USP28: variants seen among roughly 807,000 people sequenced by gnomAD.
USP28 encodes ubiquitin specific peptidase 28.
A neutral mutation model predicts 145.0 loss-of-function variants in USP28; 113 were observed. The ratio of observed to expected loss-of-function variants is 0.78; its 90% CI spans 0.67 to 0.91. USP28 has a LOEUF of 0.91. Ranked by LOEUF, USP28 falls within the 40% of genes least tolerant of loss-of-function variation. USP28 has a pLI of 0.00. For missense variants in USP28, 1,201 were observed against 1,289.6 expected (o/e 0.93, Z 1.05); for synonymous variants, 447 against 450.9 (o/e 0.99, Z 0.11).
At chr11:113,850,264 T>TA (rs1053325352) in intron 3 of USP28, among the ~76,000 whole-genome samples, 1 of 151,942 alleles carries the variant, frequency 6.6e-6, no homozygotes, top group Non-Finnish European at 1.5e-5. Context: ...ATATATACAC[T>TA]AAAAAAACTC....
chr11:113,815,076 G>T, intron 14 of USP28, 98 bp downstream of exon 14: 1 of 1,049,954 alleles, frequency 9.5e-7, no homozygotes, highest in Non-Finnish European at 1.4e-6. Flanking sequence ...TCTGTAGCAT[G>T]TACAGTAATG....
intron 23 of USP28, 43 bp downstream of exon 24, chr11:113,803,115 G>C (rs767354294): frequency 6.3e-7 from 1 of 1,579,296 alleles, no homozygotes; most frequent in South Asian, 1.2e-5. Context: ...AGGAGCAGAG[G>C]TAAACAACAA....
At chr11:113,826,211 A>G (rs1189895524) in intron 11 of USP28, among the ~76,000 whole-genome samples, 1 of 150,170 alleles carries the variant, frequency 6.7e-6, no homozygotes, top group Non-Finnish European at 1.5e-5. Flanking sequence ...TGAACCCGGG[A>G]AGCAGAGGTT....
chr11:113,863,233 G>A (rs1947882760), intron 1 of USP28, among the ~76,000 whole-genome samples: 1 of 151,916 alleles, frequency 6.6e-6, no homozygotes, highest in Non-Finnish European at 1.5e-5. Flanking sequence ...TTATAAAACA[G>A]CAATAAGAAA....
chr11:113,874,799 ATCT>A, intron 1 of USP28: 1 of 1,107,874 alleles, frequency 9.0e-7, no homozygotes, highest in Non-Finnish European at 1.1e-6. Flanking sequence ...ATTGATTTCA[ATCT>A]TCTTAGACAT....
chr11:113,804,624 C>A, intron 21 of USP28, 49 bp downstream of exon 22: 1 of 1,547,404 alleles, frequency 6.5e-7, no homozygotes, highest in Admixed American at 1.8e-5. Flanking sequence ...GTACCATTTA[C>A]CTCAGGAATT....
At position 113,832,724 on chromosome 11, in the gene USP28, T is replaced by A. The variant is rs1411805960; in HGVS notation, c.759+696A>T. Among the ~76,000 whole-genome samples, 3 of 152,002 alleles carry A rather than the reference T, an allele frequency of 2.0e-5. No individual in the cohort carries two copies. In the East Asian group the frequency reaches 5.8e-4, roughly 29 times the overall value. The stretch of plus-strand genomic sequence containing the variant: ...CCTTCAAATAGAGAAAGAAAAAAAA[T>A]CATATGAGGAAGAAGATGATCTAAT... On this transcript the variant is annotated intron_variant, in intron 7 of 24. Coordinates refer to ENST00000003302, the Ensembl canonical transcript of USP28.
chr11:113,867,522 C>T (rs1431899945), intron 1 of USP28, among the ~76,000 whole-genome samples: 1 of 151,794 alleles, frequency 6.6e-6, no homozygotes, highest in Non-Finnish European at 1.5e-5. Context: ...CTCACCCAGC[C>T]CCACTTTAAA....
At chr11:113,826,609 A>G (rs1237150381) in intron 11 of USP28, among the ~76,000 whole-genome samples, 1 of 151,782 alleles carries the variant, frequency 6.6e-6, no homozygotes, top group Non-Finnish European at 1.5e-5. Context: ...GCCTGGTCTC[A>G]ACCAGACTTT....
chr11:113,817,703 A>G, exon 13 of USP28: 2 of 1,614,250 alleles, frequency 1.2e-6, no homozygotes, highest in South Asian at 2.2e-5. Context: ...CACTGAAGAA[A>G]GTGGTAATGT....
At chr11:113,838,422 T>C (rs551683876) in intron 5 of USP28, among the ~76,000 whole-genome samples, 17 of 152,278 alleles carry the variant, frequency 1.1e-4, no homozygotes, top group Non-Finnish European at 1.6e-4. Flanking sequence ...TTCCCAAATC[T>C]TCATCATGAC....
At chr11:113,860,778 C>T (rs1024159098) in intron 1 of USP28, among the ~76,000 whole-genome samples, 5 of 149,994 alleles carry the variant, frequency 3.3e-5, no homozygotes, top group Admixed American at 6.7e-5. Flanking sequence ...AAGATTGCAC[C>T]GCTGCACTCC....
At chr11:113,866,205 T>C (rs1948231849) in intron 1 of USP28, among the ~76,000 whole-genome samples, 1 of 151,724 alleles carries the variant, frequency 6.6e-6, no homozygotes, top group South Asian at 2.1e-4. Flanking sequence ...AGCAAGAGAA[T>C]CACTTGAACC....
At chr11:113,866,897 T>C (rs1157396875) in intron 1 of USP28, among the ~76,000 whole-genome samples, 1 of 152,174 alleles carries the variant, frequency 6.6e-6, no homozygotes, top group Admixed American at 6.5e-5. Context: ...AACTCAAATG[T>C]CCGTCAATGG....
rs1939964809 is a variant in USP28, at chr11:113,806,404, C to T, written c.2400+85G>A. 4.2e-6 allele frequency: 5 copies of T among 1,189,816 alleles called. No individual in the cohort carries two copies. In the South Asian group the frequency reaches 6.8e-5, roughly 16 times the overall value. The allele number at this position is 1,189,816 out of a possible 1,614,324, so 73.7% of individuals were successfully genotyped here. On this transcript the variant is annotated intron_variant, in intron 19 of 24. Coordinates refer to ENST00000003302, the Ensembl canonical transcript of USP28. ...ACACACCACCACACCCAGCCTTAAC[C>T]CCATTTTTTCCCTTCTTATAGAATT...
intron 15 of USP28, among the ~76,000 whole-genome samples, chr11:113,812,772 T>A (rs1433179098): frequency 6.6e-6 from 1 of 152,174 alleles, no homozygotes; most frequent in African/African-American, 2.4e-5. Flanking sequence ...AAACCAAACA[T>A]AACCTAAACA....
At chr11:113,848,604 A>T (rs539500404) in intron 3 of USP28, among the ~76,000 whole-genome samples, 50 of 152,300 alleles carry the variant, frequency 3.3e-4, no homozygotes, top group African/African-American at 1.2e-3. Context: ...TGTTGATGGA[A>T]TTAGGATAAA....
At chr11:113,846,346 T>C (rs1945846480) in intron 3 of USP28, among the ~76,000 whole-genome samples, 1 of 152,136 alleles carries the variant, frequency 6.6e-6, no homozygotes, top group African/African-American at 2.4e-5. Context: ...AAAGAAGAAA[T>C]ACTGTCACAT....
intron 16 of USP28, among the ~76,000 whole-genome samples, chr11:113,809,779 T>C (rs534226831): frequency 6.6e-5 from 10 of 152,194 alleles, no homozygotes; most frequent in Non-Finnish European, 1.2e-4. Flanking sequence ...ACGCCTGTAA[T>C]CCCAGCACTT....
Sources: gnomAD v4.1 joint callset for allele counts (sites outside exome capture counted in the v4.1 genomes callset) on GRCh38, gnomAD v4.1.1 for gene constraint, MANE v1.5 for transcripts, NCBI Gene and HGNC (gene_info 2026-07-23, HGNC 2026-07-21) for gene names.